Variants in AFF3 observed in about 807,000 individuals in gnomAD.
AFF3 encodes the protein ALF transcription elongation factor 3.
In AFF3, 32 loss-of-function variants were observed where a neutral mutation model predicts 129.7. The ratio of observed to expected loss-of-function variants is 0.25; its 90% CI spans 0.19 to 0.33. The LOEUF (loss-of-function observed/expected upper bound fraction) is 0.33, where lower values mean the gene tolerates loss of function less well. Ranked by LOEUF, AFF3 falls within the 10% of genes least tolerant of loss-of-function variation. The pLI is 1.00. For synonymous variants in AFF3, 644 were observed against 635.4 expected, an observed-to-expected ratio of 1.01 and a Z score of -0.20; for missense variants, 1,373 against 1,592.0, an observed-to-expected ratio of 0.86 and a Z score of 2.34.
intron 8 of AFF3, among the ~76,000 whole-genome samples, chr2:99,814,726 G>C (rs1687082477): frequency 6.6e-6 from 1 of 152,040 alleles, no homozygotes; most frequent in South Asian, 2.1e-4. Context: ...CAGTGGAAGA[G>C]AGAAGGGGCA....
intron 16 of AFF3, among the ~76,000 whole-genome samples, chr2:99,585,410 A>G (rs945425435): frequency 2.0e-5 from 3 of 152,174 alleles, no homozygotes; most frequent in Non-Finnish European, 2.9e-5. Flanking sequence ...AGTAATCACA[A>G]TTCCAGAGGT....
intron 4 of AFF3, among the ~76,000 whole-genome samples, chr2:100,061,995 C>G (rs892205516): frequency 6.6e-6 from 1 of 152,160 alleles, no homozygotes; most frequent in Non-Finnish European, 1.5e-5. Context: ...TAGAGGCTAG[C>G]TAAAATTGCA....
At chr2:99,593,061 A>G in intron 15 of AFF3, 134 bp downstream of exon 15, 1 of 940,200 alleles carries the variant, frequency 1.1e-6, no homozygotes. Flanking sequence ...TGTGTTAGGT[A>G]AGGACACACA....
At chr2:99,689,395 G>A (rs1436414576) in intron 11 of AFF3, among the ~76,000 whole-genome samples, 2 of 152,124 alleles carry the variant, frequency 1.3e-5, no homozygotes, top group East Asian at 1.9e-4. Context: ...CCTGCCTGAT[G>A]CCCTTCTCCC....
At chr2:99,961,489 T>C (rs766207694) in intron 7 of AFF3, among the ~76,000 whole-genome samples, 1 of 152,206 alleles carries the variant, frequency 6.6e-6, no homozygotes, top group African/African-American at 2.4e-5. Flanking sequence ...CCTTAGCTCT[T>C]TGTTCCCAAC....
At chr2:99,694,029 T>C (rs1397120506) in intron 11 of AFF3, among the ~76,000 whole-genome samples, 1 of 152,048 alleles carries the variant, frequency 6.6e-6, no homozygotes, top group East Asian at 1.9e-4. Flanking sequence ...GTGATCCTCC[T>C]GCCTCAGCCT....
intron 12 of AFF3, among the ~76,000 whole-genome samples, chr2:99,650,631 A>G (rs1029586080): frequency 1.3e-5 from 2 of 152,178 alleles, no homozygotes; most frequent in African/African-American, 4.8e-5. Context: ...GGGCACATAC[A>G]TAAGACAAGA....
intron 7 of AFF3, among the ~76,000 whole-genome samples, chr2:99,990,049 T>C (rs1680200298): frequency 1.3e-5 from 2 of 152,146 alleles, no homozygotes; most frequent in South Asian, 4.1e-4. Context: ...GTATTCTAGA[T>C]CAACAATGAT....
At chr2:99,994,269 G>T (rs1248592901) in intron 7 of AFF3, among the ~76,000 whole-genome samples, 1 of 152,106 alleles carries the variant, frequency 6.6e-6, no homozygotes, top group Non-Finnish European at 1.5e-5. Context: ...AAGAACGAAT[G>T]ATCTATAAGA....
intron 8 of AFF3, among the ~76,000 whole-genome samples, chr2:99,820,437 A>C (rs13424448): frequency 1.9e-3 from 287 of 152,224 alleles, no homozygotes; most frequent in African/African-American, 6.7e-3. Flanking sequence ...ATGGAGTTTG[A>C]AAAACTGGAA....
At chr2:100,056,734 A>C (rs1353376542) in intron 4 of AFF3, among the ~76,000 whole-genome samples, 1 of 152,138 alleles carries the variant, frequency 6.6e-6, no homozygotes, top group Non-Finnish European at 1.5e-5. Flanking sequence ...ACTCTATACC[A>C]TCTGTTCTAA....
chr2:99,735,624 C>T (rs965600237), intron 10 of AFF3, among the ~76,000 whole-genome samples: 4 of 152,132 alleles, frequency 2.6e-5, no homozygotes, highest in Non-Finnish European at 1.5e-5. Context: ...TCCCGAGTAG[C>T]TGGGACTACA....
At chr2:99,912,741 TTCTC>T (rs1695188180) in intron 7 of AFF3, among the ~76,000 whole-genome samples, 1 of 152,220 alleles carries the variant, frequency 6.6e-6, no homozygotes, top group Non-Finnish European at 1.5e-5. Context: ...AGCTTACTGT[TTCTC>T]TATTAGGGAT....
intron 7 of AFF3, among the ~76,000 whole-genome samples, chr2:99,883,258 T>C (rs1031276341): frequency 6.6e-6 from 1 of 152,206 alleles, no homozygotes; most frequent in Admixed American, 6.5e-5. Context: ...AGAACTCTCA[T>C]GTATAAAACC....
At chr2:99,757,985 C>A (rs574436252) in intron 8 of AFF3, among the ~76,000 whole-genome samples, 9 of 152,278 alleles carry the variant, frequency 5.9e-5, no homozygotes, top group African/African-American at 2.2e-4. Context: ...TGATGAACCC[C>A]TCAAGGCTGT....
intron 4 of AFF3, among the ~76,000 whole-genome samples, chr2:100,040,335 G>A (rs756891623): frequency 1.1e-4 from 17 of 152,154 alleles, no homozygotes; most frequent in South Asian, 2.1e-4. Context: ...CCAACCCAAT[G>A]ACTGCAGCAC....
intron 8 of AFF3, among the ~76,000 whole-genome samples, chr2:99,813,031 C>T (rs1362743148): frequency 6.6e-6 from 1 of 151,264 alleles, no homozygotes; most frequent in East Asian, 1.9e-4. Flanking sequence ...AGGGCTTGAC[C>T]TCCAAAAAAA....
chr2:99,554,591 G>A, intron 23 of AFF3, 57 bp from the exon 24 acceptor site: 1 of 1,609,276 alleles, frequency 6.2e-7, no homozygotes, highest in Non-Finnish European at 8.5e-7. Flanking sequence ...AGCGAGGCAG[G>A]GCAGCCCCTT....
chr2:99,986,051 A>T (rs1288764326), intron 7 of AFF3, among the ~76,000 whole-genome samples: 1 of 151,752 alleles, frequency 6.6e-6, no homozygotes, highest in Non-Finnish European at 1.5e-5. Context: ...ATACAAAAAA[A>T]TTAGTCAGGC....
Sources: allele counts gnomAD v4.1 joint callset (sites outside exome capture counted in the v4.1 genomes callset), GRCh38; gene constraint gnomAD v4.1.1; transcripts MANE v1.5; gene names NCBI Gene and HGNC (gene_info 2026-07-23, HGNC 2026-07-21).